GPHN: variants seen among roughly 807,000 people sequenced by gnomAD.
GPHN encodes gephyrin.
A neutral mutation model predicts 95.5 loss-of-function variants in GPHN; 17 were observed. The observed-to-expected ratio is 0.18, with a 90% CI of 0.12 to 0.27. The LOEUF is 0.27. Among genes scored for constraint, GPHN ranks in the 10% least tolerant of loss-of-function variants. GPHN has a pLI of 1.00. For missense variants in GPHN, 660 were observed against 978.1 expected (o/e 0.67, Z 4.34); for synonymous variants, 320 against 322.5 (o/e 0.99, Z 0.08).
chr14:67,659,655 C>A, the GPHN span: 4 of 1,420,840 alleles, frequency 2.8e-6, no homozygotes, highest in Admixed American at 4.8e-5. Context: ...ACATGAAATA[C>A]CCCAACAATA....
intron 9 of GPHN, among the ~76,000 whole-genome samples, chr14:66,975,028 CATT>C (rs1346958431): frequency 1.3e-5 from 2 of 152,010 alleles, no homozygotes; most frequent in Non-Finnish European, 2.9e-5. Flanking sequence ...AAACAGTAGC[CATT>C]ATTATTAAAT....
chr14:66,856,693 A>C (rs2062814785), intron 4 of GPHN, among the ~76,000 whole-genome samples: 1 of 152,092 alleles, frequency 6.6e-6, no homozygotes, highest in Admixed American at 6.5e-5. Flanking sequence ...CATATGTGAA[A>C]ATATATGTAG....
At chr14:67,447,645 G>C in the GPHN span, 1 of 152,310 alleles carries the variant, frequency 6.6e-6, no homozygotes, top group Admixed American at 6.5e-5. Context: ...GCCACTTCTC[G>C]CTTGGTACAG....
the GPHN span, among the ~76,000 whole-genome samples, chr14:67,372,366 C>T: frequency 6.6e-6 from 1 of 152,076 alleles, no homozygotes; most frequent in African/African-American, 2.4e-5. Context: ...TCTTTCTGAC[C>T]TTGGATTAGG....
chr14:66,803,560 T>A (rs1251153051), intron 3 of GPHN, among the ~76,000 whole-genome samples: 2 of 152,238 alleles, frequency 1.3e-5, no homozygotes, highest in Non-Finnish European at 2.9e-5. Flanking sequence ...TTCTTGAATT[T>A]GAGGAAATTC....
At chr14:66,555,528 A>C (rs1306009476) in intron 1 of GPHN, among the ~76,000 whole-genome samples, 2 of 152,136 alleles carry the variant, frequency 1.3e-5, no homozygotes, top group Admixed American at 6.5e-5. Context: ...TGAAAGACTC[A>C]TTGCTTTGAA....
the GPHN span, among the ~76,000 whole-genome samples, chr14:67,259,528 C>T: frequency 6.6e-6 from 1 of 152,082 alleles, no homozygotes; most frequent in South Asian, 2.1e-4. Context: ...AGGAGAATTG[C>T]GTGAACTCAG....
chr14:67,177,992 A>C (rs2083096908), intron 21 of GPHN, among the ~76,000 whole-genome samples: 1 of 152,166 alleles, frequency 6.6e-6, no homozygotes. Flanking sequence ...TGAATACAGC[A>C]CACCGATGGG....
chr14:66,637,120 A>G (rs2064142030), intron 1 of GPHN, among the ~76,000 whole-genome samples: 1 of 152,024 alleles, frequency 6.6e-6, no homozygotes, highest in South Asian at 2.1e-4. Flanking sequence ...TAATCTTGTC[A>G]CTTTATTTAG....
intron 5 of GPHN, among the ~76,000 whole-genome samples, chr14:66,900,833 A>G (rs1346872411): frequency 6.6e-6 from 1 of 152,092 alleles, no homozygotes; most frequent in Non-Finnish European, 1.5e-5. Context: ...CATTATGAAT[A>G]GTGCTGCAGT....
the GPHN span, among the ~76,000 whole-genome samples, chr14:67,628,492 A>G: frequency 6.6e-6 from 1 of 152,254 alleles, no homozygotes; most frequent in African/African-American, 2.4e-5. Flanking sequence ...AATAGACACT[A>G]TTGGGATTTG....
intron 5 of GPHN, among the ~76,000 whole-genome samples, chr14:66,906,803 A>C (rs1437654589): frequency 6.6e-6 from 1 of 152,100 alleles, no homozygotes; most frequent in Non-Finnish European, 1.5e-5. Context: ...TCTGTTACTG[A>C]TTTCAACTTT....
At chr14:67,586,192 G>A in the GPHN span, 31 of 1,396,776 alleles carry the variant, frequency 2.2e-5, no homozygotes, top group African/African-American at 3.5e-4. Context: ...TGCTCTGCAA[G>A]GGCCCTGCCC....
At chr14:67,165,313 T>G (rs2082210796) in intron 20 of GPHN, 87 bp downstream of exon 20, 2 of 819,738 alleles carry the variant, frequency 2.4e-6, no homozygotes, top group Non-Finnish European at 4.3e-6. Flanking sequence ...TGGTTTGAAA[T>G]CTGAAAGACC....
At chr14:67,496,787 T>C in the GPHN span, among the ~76,000 whole-genome samples, 1 of 62,056 alleles carries the variant, frequency 1.6e-5, no homozygotes, top group East Asian at 4.5e-4. Context: ...CCCTCATTTC[T>C]GTCTTTCTTT....
At chr14:66,804,751 T>C (rs536569490) in intron 3 of GPHN, among the ~76,000 whole-genome samples, 92 of 152,360 alleles carry the variant, frequency 6.0e-4, no homozygotes, top group African/African-American at 2.1e-3. Flanking sequence ...TCATTATTAT[T>C]TCTGCAATTA....
intron 1 of GPHN, among the ~76,000 whole-genome samples, chr14:66,636,113 A>G (rs938552952): frequency 6.6e-6 from 1 of 152,192 alleles, no homozygotes; most frequent in African/African-American, 2.4e-5. Flanking sequence ...CTCCCTGGAT[A>G]TTTGTTCATT....
chr14:66,767,461 AAAGAGGGAAAATG>A (rs1566922529), intron 2 of GPHN, among the ~76,000 whole-genome samples: 6 of 151,252 alleles, frequency 4.0e-5, no homozygotes, highest in African/African-American at 1.5e-4. Flanking sequence ...AAAAAAAAGA[AAAGAGGGAAAATG>A]AAGAGTGAAA....
chr14:66,547,856 A>G (rs2059658339), intron 1 of GPHN, among the ~76,000 whole-genome samples: 1 of 152,234 alleles, frequency 6.6e-6, no homozygotes, highest in Non-Finnish European at 1.5e-5. Flanking sequence ...GATGGTTATG[A>G]TACTTAAAAA....
Sources: gnomAD v4.1 joint callset for allele counts (sites outside exome capture counted in the v4.1 genomes callset) on GRCh38, gnomAD v4.1.1 for gene constraint, MANE v1.5 for transcripts, NCBI Gene and HGNC (gene_info 2026-07-23, HGNC 2026-07-21) for gene names.